The following ZNF365 variants were observed in gnomAD, a reference collection of about 807,000 sequenced individuals.
ZNF365 encodes the protein zinc finger protein 365, also known as protein ZNF365.
Under a neutral mutation model 35.0 loss-of-function variants are expected in ZNF365, and 22 were observed. That is an observed-to-expected ratio of 0.63 (90% CI 0.45 to 0.90). The LOEUF is 0.90. Ranked by LOEUF, ZNF365 falls within the 40% of genes least tolerant of loss-of-function variation. ZNF365 has a pLI of 0.00. For missense variants in ZNF365, 448 were observed against 500.3 expected (o/e 0.90, Z 1.00); for synonymous variants, 188 against 196.2 (o/e 0.96, Z 0.35).
chr10:62,457,994 A>G (rs1426652460), intron 3 of ZNF365, among the ~76,000 whole-genome samples: 1 of 152,226 alleles, frequency 6.6e-6, no homozygotes, highest in African/African-American at 2.4e-5. Context: ...CCAGGGAGAC[A>G]TCTTATTTTC....
chr10:62,446,612 T>C (rs1840593588), intron 3 of ZNF365, among the ~76,000 whole-genome samples: 1 of 152,088 alleles, frequency 6.6e-6, no homozygotes, highest in African/African-American at 2.4e-5. Flanking sequence ...ATTTTTTTTC[T>C]TTATCATAAT....
rs74158926 is a variant in ZNF365, at chr10:62,478,282, C to T, written c.982-1594C>T. 3.1e-3 allele frequency among the ~76,000 whole-genome samples: 477 copies of T among 152,260 alleles called. 1 individual carries two copies. The highest frequency in any genetic ancestry group is 0.011 in the African/African-American group (455 of 41,546). On this transcript the variant is annotated intron_variant, in intron 4 of 4. Coordinates refer to the ZNF365 transcript ENST00000395255. ...ATTTGGAAAGGTGAAAGGGGACTCA[C>T]GACTGCCACCAGTCTCTGTTGATTC...
chr10:62,405,893 C>T (rs1339307890), downstream of ZNF365, among the ~76,000 whole-genome samples: 2 of 152,226 alleles, frequency 1.3e-5, no homozygotes, highest in Non-Finnish European at 1.5e-5. Context: ...AACCCCACTT[C>T]CCCATTCTCA....
Position 62,400,788 on chromosome 10 carries a change from G to T in ZNF365, c.*999G>T. On this transcript the variant is annotated 3_prime_UTR_variant, in exon 5 of 5. Coordinates refer to ENST00000395254, the MANE Select transcript of ZNF365 (RefSeq NM_014951.3). ...GCTGGCTTAACTTTTCCACTGGGTG[G>T]TTCACTTTGCCTCCTGCTGCTTCTG... The T allele has an allele frequency of 1.0e-6, 1 of 980,490 alleles. No individual in the cohort carries two copies. Among genetic ancestry groups the T allele is most frequent in the Non-Finnish European group, 1.2e-6 (1 of 829,126 alleles). The allele number at this position is 980,490 out of a possible 1,614,324, so 60.7% of individuals were successfully genotyped here. A position where few individuals can be genotyped will look rare whatever the true frequency, so the allele number is the denominator to read the frequency against.
chr10:62,403,478 G>A (rs548149742), downstream of ZNF365, among the ~76,000 whole-genome samples: 77 of 152,286 alleles, frequency 5.1e-4, 2 homozygotes, highest in East Asian at 5.4e-3. Context: ...CTAACATGGT[G>A]AAACCCCGTC....
intron 3 of ZNF365, among the ~76,000 whole-genome samples, chr10:62,426,557 G>A (rs935364444): frequency 4.6e-5 from 7 of 152,084 alleles, no homozygotes; most frequent in African/African-American, 1.7e-4. Flanking sequence ...CTAAAAATAG[G>A]AGGCATGCTA....
chr10:62,468,113 A>C (rs1295398308), intron 4 of ZNF365, among the ~76,000 whole-genome samples: 3 of 152,200 alleles, frequency 2.0e-5, no homozygotes, highest in Non-Finnish European at 1.5e-5. Context: ...ATTATTTATA[A>C]AATTCATTAA....
At chr10:62,439,866 C>A (rs1170845282) in intron 3 of ZNF365, among the ~76,000 whole-genome samples, 1 of 152,126 alleles carries the variant, frequency 6.6e-6, no homozygotes, top group Non-Finnish European at 1.5e-5. Flanking sequence ...ATATTAAAAT[C>A]CCTCAAAAAT....
Position 62,402,330 on chromosome 10 carries a change from A to G in ZNF365, c.*2541A>G. ...TCTGCAAGGTTCAAGTTGCTTAGAC[A>G]TTGTTTTCCAGTATTCTGCAGGGCC... On this transcript the variant is annotated 3_prime_UTR_variant, in exon 5 of 5. Coordinates refer to ENST00000395254, the MANE Select transcript of ZNF365 (RefSeq NM_014951.3). The G allele has an allele frequency of 2.0e-6, 2 of 985,572 alleles. No individual in the cohort carries two copies. Among genetic ancestry groups the G allele is most frequent in the Non-Finnish European group, 2.4e-6 (2 of 829,928 alleles). 61.1% of individuals were successfully genotyped at this position (985,572 alleles called of 1,614,324 possible).
intron 3 of ZNF365, among the ~76,000 whole-genome samples, chr10:62,444,414 A>G (rs1258161355): frequency 6.6e-6 from 1 of 152,164 alleles, no homozygotes; most frequent in African/African-American, 2.4e-5. Flanking sequence ...ACTTCAAATT[A>G]CAGCTTCTGC....
At chr10:62,432,787 C>T (rs1840353704) in intron 3 of ZNF365, among the ~76,000 whole-genome samples, 1 of 152,048 alleles carries the variant, frequency 6.6e-6, no homozygotes, top group Non-Finnish European at 1.5e-5. Context: ...GTATCAGGCC[C>T]TAAAAGATTT....
At chr10:62,457,756 C>T (rs981561520) in intron 3 of ZNF365, among the ~76,000 whole-genome samples, 2 of 152,166 alleles carry the variant, frequency 1.3e-5, no homozygotes, top group African/African-American at 4.8e-5. Context: ...ACAACGGTGG[C>T]TAGGTGTCAG....
rs1839843479 is a variant in ZNF365 at position 62,402,381 on chromosome 10, T to C, written c.*2592T>C. ...AGTCAGTTGTACAGAAGTTGGAATA[T>C]TCTGTTCCAGAATTAAAGAAGTTTT... On this transcript the variant is annotated 3_prime_UTR_variant, in exon 5 of 5. Transcript: ENST00000395254. 1 of 985,412 alleles carries C rather than the reference T, an allele frequency of 1.0e-6. No homozygotes were observed. The highest frequency in any genetic ancestry group is 1.2e-6 in the Non-Finnish European group (1 of 829,760). The allele number at this position is 985,412 out of a possible 1,614,324, so 61.0% of individuals were successfully genotyped here. A position where few individuals can be genotyped will look rare whatever the true frequency, so the allele number is the denominator to read the frequency against.
At chr10:62,438,054 A>C (rs1340411329) in intron 3 of ZNF365, among the ~76,000 whole-genome samples, 1 of 152,220 alleles carries the variant, frequency 6.6e-6, no homozygotes, top group Non-Finnish European at 1.5e-5. Flanking sequence ...ATTAGTTAAC[A>C]GATAGGAGCA....
intron 3 of ZNF365, among the ~76,000 whole-genome samples, chr10:62,421,931 C>T (rs947751447): frequency 1.3e-5 from 2 of 152,148 alleles, no homozygotes; most frequent in Non-Finnish European, 2.9e-5. Context: ...AATGTTTTAC[C>T]ACTGTATTCT....
At chr10:62,395,663 G>A (rs1839713826) in intron 3 of ZNF365, among the ~76,000 whole-genome samples, 1 of 151,832 alleles carries the variant, frequency 6.6e-6, no homozygotes, top group South Asian at 2.1e-4. Context: ...GGCCAAATCT[G>A]ACATTCTAAA....
chr10:62,406,444 T>A (rs1480423315), downstream of ZNF365, among the ~76,000 whole-genome samples: 3 of 152,318 alleles, frequency 2.0e-5, no homozygotes, highest in East Asian at 5.8e-4. Context: ...CCCACTGTTC[T>A]GTCATTTCCA....
chr10:62,477,459 A>G (rs1841150875), intron 4 of ZNF365, among the ~76,000 whole-genome samples: 2 of 152,236 alleles, frequency 1.3e-5, no homozygotes, highest in South Asian at 4.1e-4. Flanking sequence ...CTGAGGGTTT[A>G]GTGCTTCATC....
intron 3 of ZNF365, among the ~76,000 whole-genome samples, chr10:62,407,781 A>T (rs1382117083): frequency 6.6e-6 from 1 of 152,208 alleles, no homozygotes; most frequent in Non-Finnish European, 1.5e-5. Flanking sequence ...TAGAAAATAC[A>T]TGGTATTTCC....
Sources: allele counts gnomAD v4.1 joint callset (sites outside exome capture counted in the v4.1 genomes callset), GRCh38; gene constraint gnomAD v4.1.1; transcripts MANE v1.5; gene names NCBI Gene and HGNC (gene_info 2026-07-23, HGNC 2026-07-21).